Variants in CACNA1B observed in about 807,000 individuals in gnomAD.
The protein encoded by CACNA1B is calcium voltage-gated channel subunit alpha1 B, also known as voltage-dependent N-type calcium channel subunit alpha-1B.
CACNA1B carries 70 observed loss-of-function variants against 247.2 expected under a neutral mutation model. The ratio of observed to expected loss-of-function variants is 0.28; its 90% CI spans 0.23 to 0.35. The LOEUF (loss-of-function observed/expected upper bound fraction) is 0.35, where lower values mean the gene tolerates loss of function less well. Ranked by LOEUF, CACNA1B falls within the 10% of genes least tolerant of loss-of-function variation. The pLI, the probability that CACNA1B is intolerant of heterozygous loss-of-function variation, is 1.00. For missense variants in CACNA1B, 2,367 were observed against 3,197.4 expected, an observed-to-expected ratio of 0.74 and a Z score of 6.26; for synonymous variants, 1,231 against 1,294.4, an observed-to-expected ratio of 0.95 and a Z score of 1.05.
At chr9:138,026,110 A>G (rs1258055609) in intron 20 of CACNA1B, among the ~76,000 whole-genome samples, 12 of 152,200 alleles carry the variant, frequency 7.9e-5, no homozygotes, top group Admixed American at 5.9e-4. Flanking sequence ...ATGTTTGCAG[A>G]CAGATCTCCA....
chr9:138,036,401 A>T lies in CACNA1B; in HGVS notation c.3287-7373A>T, dbSNP rs184280806. On this transcript the variant is annotated intron_variant, in intron 20 of 46. Transcript: ENST00000371372. ...TGATCTGCCTGCCTCGGCCTCCCAA[A>T]GTGCTGGGATTACAGGCGTGAGCCA... Among the ~76,000 whole-genome samples, 279 of 152,250 alleles carry T rather than the reference A, an allele frequency of 1.8e-3. 3 individuals are homozygous for T. Among genetic ancestry groups the T allele is most frequent in the Non-Finnish European group, 5.7e-4 (39 of 68,012 alleles).
intron 3 of CACNA1B, among the ~76,000 whole-genome samples, chr9:137,896,078 A>G (rs1397183680): frequency 6.6e-6 from 1 of 152,084 alleles, no homozygotes; most frequent in African/African-American, 2.4e-5. Context: ...TCTCTACTAA[A>G]AATACAAAAA....
In CACNA1B at chr9:137,891,073, T is replaced by C. The variant is rs2133241495; in HGVS notation, c.530+8190T>C. On this transcript the variant is annotated intron_variant, in intron 3 of 46. Coordinates refer to ENST00000371372, the MANE Select transcript of CACNA1B (RefSeq NM_000718.4). This position sits in a 1 kb window ranked among gnomAD's most constrained non-coding sequence, Gnocchi z 4.3. ...ACACGCCCACTCCTGGGACCATGGCTGGCCTGTGCGTGGCCAGGCAGGTTG... is the reference window on the plus strand; with the variant it reads ...ACACGCCCACTCCTGGGACCATGGCCGGCCTGTGCGTGGCCAGGCAGGTTG... The C allele has an allele frequency of 6.6e-6, 1 of 152,342 alleles. No homozygotes were observed. The highest frequency in any genetic ancestry group is 2.1e-4 in the South Asian group (1 of 4,828). The allele number at this position is 152,342 out of a possible 1,614,324, so 9.4% of individuals were successfully genotyped here. A position where few individuals can be genotyped will look rare whatever the true frequency, so the allele number is the denominator to read the frequency against.
rs141292393 is a variant in CACNA1B at position 138,079,742 on chromosome 9, CAA to C, written c.5094+1506_5094+1507del. 4.9e-3 allele frequency among the ~76,000 whole-genome samples: 205 copies of C among 41,808 alleles called. 1 individual carries two copies. Among genetic ancestry groups the C allele is most frequent in the African/African-American group, 0.016 (197 of 12,024 alleles). 27.4% of individuals were successfully genotyped at this position (41,808 alleles called of 152,430 possible). ...TGGGCAACAGAGCCAGACTCCATCT[CAA>C]AAAAAAAAAAAAAAAAAAAAAGAGG... On this transcript the variant is annotated intron_variant, in intron 36 of 46. Transcript: ENST00000371372.
At chr9:137,961,564 T>C (rs1329898439) in intron 10 of CACNA1B, among the ~76,000 whole-genome samples, 1 of 152,200 alleles carries the variant, frequency 6.6e-6, no homozygotes, top group Non-Finnish European at 1.5e-5. Flanking sequence ...TTATTAAGAG[T>C]TTTTAACATG....
intron 31 of CACNA1B, chr9:138,068,667 G>A: frequency 3.9e-6 from 2 of 518,122 alleles, no homozygotes; most frequent in Non-Finnish European, 7.7e-6. Context: ...CCAGCTGTAA[G>A]GACACAGCTT....
rs73669811 is a variant in CACNA1B, at chr9:137,976,713, G to C, written c.1656+694G>C. Among the ~76,000 whole-genome samples, 192 of 138,712 alleles carry C rather than the reference G, an allele frequency of 1.4e-3. 3 individuals carry two copies. The highest frequency in any genetic ancestry group is 5.0e-3 in the African/African-American group (182 of 36,360). The allele number at this position is 138,712 out of a possible 152,430, so 91.0% of individuals were successfully genotyped here. ...GAATTACCAACTTATGTAGGTAGGG[G>C]AAGCCTTGGAGGCAGTGTGTTTCCC... On this transcript the variant is annotated intron_variant, in intron 12 of 46. Transcript: ENST00000371372.
In CACNA1B at chr9:137,903,950, T is replaced by TGCACG. The variant is rs557474320; in HGVS notation, c.531-9226_531-9225insGGCAC. Among the ~76,000 whole-genome samples the TGCACG allele has an allele frequency of 1.9e-3, 288 of 152,338 alleles. 1 individual carries two copies. The highest frequency in any genetic ancestry group is 6.7e-3 in the African/African-American group (280 of 41,586). ...TCAGGCTGCTGGTTCTGGGTGCCAG[T>TGCACG]GCACACCCCTTCTGGGTAGAGCTGG... On this transcript the variant is annotated intron_variant, in intron 3 of 46. Coordinates refer to ENST00000371372, the MANE Select transcript of CACNA1B (RefSeq NM_000718.4).
chr9:137,939,706 G>A lies in CACNA1B; in HGVS notation c.967-12568G>A, dbSNP rs544043383. Among the ~76,000 whole-genome samples, 4 of 152,038 alleles carry A rather than the reference G, an allele frequency of 2.6e-5. No homozygotes were observed. In the South Asian group the frequency reaches 6.2e-4, roughly 24 times the overall value. ...TAGTCCCAGCTACTCAGGAGGCTGA[G>A]GAAGGAGAATGGCATGAACCCGGGA... On this transcript the variant is annotated intron_variant, in intron 6 of 46. Coordinates refer to ENST00000371372, the MANE Select transcript of CACNA1B (RefSeq NM_000718.4).
At chr9:137,978,973 T>C (rs1028607705) in intron 12 of CACNA1B, among the ~76,000 whole-genome samples, 7 of 152,184 alleles carry the variant, frequency 4.6e-5, no homozygotes, top group African/African-American at 1.7e-4. Flanking sequence ...TTCTTACCCT[T>C]TGACTTCTTG....
At chr9:138,080,822 G>A (rs969618207) in intron 36 of CACNA1B, among the ~76,000 whole-genome samples, 1 of 152,202 alleles carries the variant, frequency 6.6e-6, no homozygotes, top group Non-Finnish European at 1.5e-5. Flanking sequence ...TGTGCTGATG[G>A]CGGACTGTGA....
chr9:137,914,662 G>T lies in CACNA1B; in HGVS notation c.631G>T (p.Val211Leu). The change falls in exon 5 of 47, where the codon GTG becomes TTG. Residue 211 changes from valine to leucine, a missense_variant. Coordinates refer to ENST00000371372, the MANE Select transcript of CACNA1B (RefSeq NM_000718.4). The surrounding 1 kb of genome is among the most constrained non-coding windows in gnomAD (Gnocchi z 4.3). ...CCCTGTTCTGGCCCCAGGTTTGCAG[G>T]TGGTGCTCAAGTCCATCATGAAGGC... is the stretch of plus-strand genomic sequence containing the variant. Reference protein sequence around the residue: ...KLVSGIPSLQVVLKSIMKAMV... With the variant: ...KLVSGIPSLQLVLKSIMKAMV... 1 of 1,613,828 alleles carries T rather than the reference G, an allele frequency of 6.2e-7. No individual in the cohort carries two copies.
chr9:137,934,439 T>G (rs1957641619), intron 6 of CACNA1B, among the ~76,000 whole-genome samples: 1 of 152,200 alleles, frequency 6.6e-6, no homozygotes, highest in Non-Finnish European at 1.5e-5. Context: ...AGGACTAGAT[T>G]GCAGTTCCCA....
At chr9:137,906,059 T>A (rs1049499467) in intron 3 of CACNA1B, among the ~76,000 whole-genome samples, 32 of 152,356 alleles carry the variant, frequency 2.1e-4, no homozygotes, top group African/African-American at 7.2e-4. Flanking sequence ...GCAGTTAGGT[T>A]GTAATTTATT....
intron 35 of CACNA1B, among the ~76,000 whole-genome samples, chr9:138,077,450 A>C (rs1258239130): frequency 6.6e-6 from 1 of 151,942 alleles, no homozygotes; most frequent in African/African-American, 2.4e-5. Context: ...AGTGGGCAGC[A>C]GGTCCCACAG....
intron 38 of CACNA1B, among the ~76,000 whole-genome samples, chr9:138,105,134 C>T (rs529476663): frequency 1.3e-5 from 2 of 152,386 alleles, no homozygotes; most frequent in South Asian, 4.1e-4. Flanking sequence ...CATCGAGCAT[C>T]TCTCCCAGGC....
chr9:138,034,809 G>C (rs969154083), intron 20 of CACNA1B, among the ~76,000 whole-genome samples: 6 of 151,992 alleles, frequency 3.9e-5, no homozygotes, highest in African/African-American at 1.5e-4. Context: ...CTTATCCATG[G>C]TTTTACTTTC....
chr9:137,947,823 G>A (rs1275326702), intron 6 of CACNA1B, among the ~76,000 whole-genome samples: 1 of 151,598 alleles, frequency 6.6e-6, no homozygotes, highest in Non-Finnish European at 1.5e-5. Context: ...CCCCATATAG[G>A]TATGGTATCA....
chr9:138,103,309 G>A (rs1294727259), intron 38 of CACNA1B, among the ~76,000 whole-genome samples: 2 of 152,200 alleles, frequency 1.3e-5, no homozygotes, highest in Non-Finnish European at 2.9e-5. Context: ...CTCAGCAAGT[G>A]CAGAGGCTCT....
Sources: allele counts gnomAD v4.1 joint callset (sites outside exome capture counted in the v4.1 genomes callset), GRCh38; gene constraint gnomAD v4.1.1; non-coding constraint Gnocchi (gnomAD v3.1); transcripts MANE v1.5; gene names NCBI Gene and HGNC (gene_info 2026-07-23, HGNC 2026-07-21).